ADGRL4: variants seen among roughly 807,000 people sequenced by gnomAD.
ADGRL4 encodes EGF, latrophilin and seven transmembrane domain containing 1.
ADGRL4 carries 90 observed loss-of-function variants against 74.8 expected under a neutral mutation model. That is an observed-to-expected ratio of 1.20 (90% CI 1.02 to 1.43). The LOEUF (loss-of-function observed/expected upper bound fraction) is 1.43, where lower values mean the gene tolerates loss of function less well. Ranked by LOEUF, ADGRL4 falls within the 40% of genes most tolerant of loss-of-function variation. ADGRL4 has a pLI of 0.00. For missense variants in ADGRL4, 881 were observed against 814.3 expected (o/e 1.08, Z -1.00); for synonymous variants, 311 against 279.2 (o/e 1.11, Z -1.14).
At chr1:78,909,124 A>G (rs1648704748) in intron 12 of ADGRL4, among the ~76,000 whole-genome samples, 2 of 151,964 alleles carry the variant, frequency 1.3e-5, no homozygotes, top group Admixed American at 6.6e-5. Flanking sequence ...CACAGAGGTG[A>G]CTGAAAGATG....
chr1:78,891,223 A>G lies in ADGRL4; in HGVS notation c.2011-7T>C, dbSNP rs756751896. 7 of 1,595,160 alleles carry G rather than the reference A, an allele frequency of 4.4e-6. No homozygotes were observed. The South Asian group carries it at 6.8e-5, about 16-fold the overall frequency. ...TGTAATATTCTTCTTGAATCTAAAA[A>G]TTAAAAAAAGGAAAGGAAGAAATGT... On this transcript the variant is annotated splice_region_variant and splice_polypyrimidine_tract_variant and intron_variant, in intron 14 of 14. Transcript: ENST00000370742.
intron 2 of ADGRL4, among the ~76,000 whole-genome samples, chr1:78,990,429 T>G (rs1308105498): frequency 5.3e-5 from 8 of 151,956 alleles, no homozygotes; most frequent in Admixed American, 5.3e-4. Context: ...TGATAAGACT[T>G]AGGTTTGGCT....
At chr1:78,962,029 C>T (rs1057126515) in intron 2 of ADGRL4, among the ~76,000 whole-genome samples, 16 of 151,988 alleles carry the variant, frequency 1.1e-4, no homozygotes, top group South Asian at 4.1e-4. Context: ...TGCAGGCATG[C>T]GCCATCACAC....
intron 2 of ADGRL4, among the ~76,000 whole-genome samples, chr1:78,993,755 A>G (rs781559481): frequency 1.3e-5 from 2 of 151,662 alleles, no homozygotes; most frequent in Non-Finnish European, 1.5e-5. Flanking sequence ...TATTTTTTTT[A>G]GTAGAGACGG....
Position 79,006,633 on chromosome 1 carries a change from C to G in ADGRL4, c.22G>C (p.Val8Leu). 4 of 1,526,238 alleles carry G rather than the reference C, an allele frequency of 2.6e-6. No homozygotes were observed. Among genetic ancestry groups the G allele is most frequent in the Non-Finnish European group, 3.5e-6 (4 of 1,138,274 alleles). 94.5% of individuals were successfully genotyped at this position (1,526,238 alleles called of 1,614,324 possible). A position where few individuals can be genotyped will look rare whatever the true frequency, so the allele number is the denominator to read the frequency against. Residue 8 changes from valine to leucine, a missense_variant and splice_region_variant, in exon 1 of 15, where the codon GTG becomes CTG. Transcript: ENST00000370742. MKRLPLL[V>L]VFSTLLNCSY... ...GCGACCAGGGGCGCTGAGCACTCAC[C>G]TAGGAGCGGGAGGCGTTTCATTGGC...
At chr1:78,920,117 G>T in intron 10 of ADGRL4, 66 bp downstream of exon 10, 1 of 1,176,064 alleles carries the variant, frequency 8.5e-7, no homozygotes, top group Non-Finnish European at 1.2e-6. Context: ...AATGTTTCTA[G>T]GACATATACA....
At chr1:78,967,668 A>G (rs1436853605) in intron 2 of ADGRL4, among the ~76,000 whole-genome samples, 1 of 152,234 alleles carries the variant, frequency 6.6e-6, no homozygotes, top group Non-Finnish European at 1.5e-5. Context: ...GTGTGAACAT[A>G]CTGACTAAAT....
intron 12 of ADGRL4, among the ~76,000 whole-genome samples, chr1:78,911,945 T>C (rs77779935): frequency 0.039 from 5,912 of 151,948 alleles, 152 homozygotes; most frequent in Middle Eastern, 0.058. Context: ...TGCTTCCTCA[T>C]TTATTACCAT....
intron 7 of ADGRL4, among the ~76,000 whole-genome samples, chr1:78,935,178 GA>G (rs2100685345): frequency 6.6e-6 from 1 of 152,268 alleles, no homozygotes; most frequent in East Asian, 1.9e-4. Context: ...TGATAGACTG[GA>G]TAAAGAAAAT....
intron 2 of ADGRL4, among the ~76,000 whole-genome samples, chr1:78,973,315 TAA>T (rs1358120251): frequency 6.6e-6 from 1 of 152,000 alleles, no homozygotes; most frequent in African/African-American, 2.4e-5. Context: ...CTACTGTATA[TAA>T]AGAGAGACTG....
At chr1:78,936,549 ATGTGTT>A (rs1649358664) in intron 6 of ADGRL4, 138 bp from the exon 7 acceptor site, 1 of 807,576 alleles carries the variant, frequency 1.2e-6, no homozygotes, top group African/African-American at 1.8e-5. Context: ...AACATTCTTA[ATGTGTT>A]TGGACAATGT....
In ADGRL4 at chr1:78,917,842, C is replaced by T; in HGVS notation, c.1670G>A (p.Gly557Asp). 6 of 1,612,268 alleles carry T rather than the reference C, an allele frequency of 3.7e-6. No individual in the cohort carries two copies. The highest frequency in any genetic ancestry group is 5.1e-6 in the Non-Finnish European group (6 of 1,178,820). Residue 557 changes from glycine (G) to aspartate (D), a missense_variant, in exon 11 of 15, where the codon GGC becomes GAC. Transcript: ENST00000370742. Reference protein sequence around the residue: ...FSAALGYRYYGTTKVCWLSTE... With the variant: ...FSAALGYRYYDTTKVCWLSTE... ...CATTTTAACTTACACTTTGGTTGTGCCATAATATCTGTATCCTAGTGCTGC... is the reference window on the plus strand; with the variant it reads ...CATTTTAACTTACACTTTGGTTGTGTCATAATATCTGTATCCTAGTGCTGC...
At chr1:78,929,550 G>T (rs183595856) in intron 7 of ADGRL4, among the ~76,000 whole-genome samples, 4 of 151,376 alleles carry the variant, frequency 2.6e-5, no homozygotes, top group Admixed American at 2.0e-4. Context: ...GTGCTGCATA[G>T]ACCTCCTATA....
At chr1:79,006,299 C>G (rs955964240) in intron 1 of ADGRL4, among the ~76,000 whole-genome samples, 4 of 152,242 alleles carry the variant, frequency 2.6e-5, no homozygotes, top group Middle Eastern at 3.4e-3. Flanking sequence ...AAATCTGGCC[C>G]GGCAATCCCC....
intron 12 of ADGRL4, among the ~76,000 whole-genome samples, chr1:78,896,355 C>G (rs777347577): frequency 6.6e-6 from 1 of 152,110 alleles, no homozygotes; most frequent in Admixed American, 6.6e-5. Flanking sequence ...TCTGTTTTGT[C>G]TGTCCTTTGG....
At chr1:79,006,562 A>G (rs535570053) in intron 1 of ADGRL4, 71 bp downstream of exon 1, 1 of 1,515,828 alleles carries the variant, frequency 6.6e-7, no homozygotes, top group Admixed American at 2.1e-5. Flanking sequence ...TCCACCTCTT[A>G]AAAAATCCAG....
intron 2 of ADGRL4, 111 bp from the exon 3 acceptor site, chr1:78,946,537 G>A: frequency 1.2e-6 from 1 of 846,818 alleles, no homozygotes; most frequent in Non-Finnish European, 1.8e-6. Context: ...GGTATGTGAT[G>A]TTTATATCTA....
intron 9 of ADGRL4, among the ~76,000 whole-genome samples, chr1:78,921,186 A>T (rs1648991843): frequency 6.6e-6 from 1 of 151,672 alleles, no homozygotes; most frequent in Non-Finnish European, 1.5e-5. Flanking sequence ...TACATTGCTA[A>T]AAACATGATG....
At chr1:78,985,182 T>C (rs1014706394) in intron 2 of ADGRL4, among the ~76,000 whole-genome samples, 11 of 151,692 alleles carry the variant, frequency 7.3e-5, no homozygotes, top group African/African-American at 2.7e-4. Flanking sequence ...TAAACAACAA[T>C]CCAATATTTA....
Sources: gnomAD v4.1 joint callset for allele counts (sites outside exome capture counted in the v4.1 genomes callset) on GRCh38, gnomAD v4.1.1 for gene constraint, MANE v1.5 for transcripts, NCBI Gene and HGNC (gene_info 2026-07-23, HGNC 2026-07-21) for gene names.